The following ITGA8 variants were observed in gnomAD, a reference collection of about 807,000 sequenced individuals.
ITGA8 encodes integrin subunit alpha 8, also known as integrin alpha-8.
A neutral mutation model predicts 142.3 loss-of-function variants in ITGA8; 91 were observed. That is an observed-to-expected ratio of 0.64 (90% CI 0.54 to 0.76). ITGA8 has a LOEUF of 0.76. ITGA8 is among the 30% of genes least tolerant of loss of function. ITGA8 has a pLI of 0.00. For missense variants in ITGA8, 1,406 were observed against 1,327.7 expected (o/e 1.06, Z -0.92); for synonymous variants, 505 against 485.2 (o/e 1.04, Z -0.54).
At chr10:15,632,136 T>C (rs1473362) in intron 13 of ITGA8, among the ~76,000 whole-genome samples, 37,830 of 151,716 alleles carry the variant, frequency 0.25, 5,067 homozygotes, top group Admixed American at 0.32. Context: ...AAAGGCTTTA[T>C]CTGAGAACCT....
intron 27 of ITGA8, among the ~76,000 whole-genome samples, chr10:15,534,431 A>T (rs1376030980): frequency 1.3e-5 from 2 of 152,232 alleles, no homozygotes; most frequent in African/African-American, 4.8e-5. Context: ...TATAATGTCT[A>T]TATCTTCTAC....
rs534845463 is a variant in ITGA8 at position 15,558,222 on chromosome 10, G to T, written c.2638-20C>A. The T allele has an allele frequency of 1.2e-6, 2 of 1,613,528 alleles. No homozygotes were observed. Among genetic ancestry groups the T allele is most frequent in the Admixed American group, 3.3e-5 (2 of 59,934 alleles). The stretch of plus-strand genomic sequence containing the variant: ...AGCAGGCTGCAAAAAGAAAGTGGGA[G>T]ATACCACATTAAAAACACATGAACA... On this transcript the variant is annotated intron_variant, in intron 25 of 29. Transcript: ENST00000378076.
intron 26 of ITGA8, among the ~76,000 whole-genome samples, chr10:15,556,016 CTCTTTTTTT>C (rs201477751): frequency 0.13 from 12,548 of 93,982 alleles, 787 homozygotes; most frequent in Middle Eastern, 0.15. Flanking sequence ...GTCTCTCTCT[CTCTTTTTTT>C]TTTTTTTTTT....
At chr10:15,645,624 A>G (rs1443870026) in intron 12 of ITGA8, among the ~76,000 whole-genome samples, 2 of 152,194 alleles carry the variant, frequency 1.3e-5, no homozygotes, top group African/African-American at 4.8e-5. Flanking sequence ...TGTGTAAGAG[A>G]ACAGAAACAT....
chr10:15,683,394 A>C (rs923555127), intron 4 of ITGA8, among the ~76,000 whole-genome samples: 1 of 147,196 alleles, frequency 6.8e-6, no homozygotes, highest in African/African-American at 2.5e-5. Flanking sequence ...TGATTAAAAC[A>C]CAATGCCCCA....
intron 10 of ITGA8, among the ~76,000 whole-genome samples, chr10:15,658,720 T>A (rs1023904142): frequency 1.3e-5 from 2 of 152,202 alleles, no homozygotes; most frequent in African/African-American, 4.8e-5. Context: ...CTTTATTTTC[T>A]TTAAATCATG....
At chr10:15,551,801 A>T (rs1187369932) in intron 26 of ITGA8, among the ~76,000 whole-genome samples, 3 of 152,162 alleles carry the variant, frequency 2.0e-5, no homozygotes, top group Non-Finnish European at 4.4e-5. Flanking sequence ...ATCACTTTCT[A>T]TCCAGAGTTG....
At chr10:15,652,651 T>C (rs1564393154) in intron 11 of ITGA8, among the ~76,000 whole-genome samples, 1 of 152,210 alleles carries the variant, frequency 6.6e-6, no homozygotes. Context: ...ATAGCTACTT[T>C]ATTTTTACAA....
intron 6 of ITGA8, among the ~76,000 whole-genome samples, chr10:15,675,082 A>G (rs1455970181): frequency 6.6e-6 from 1 of 152,166 alleles, no homozygotes; most frequent in Non-Finnish European, 1.5e-5. Context: ...AGCCCAAATT[A>G]TAGAATCTTC....
intron 26 of ITGA8, among the ~76,000 whole-genome samples, chr10:15,555,523 C>G (rs971330656): frequency 1.3e-5 from 2 of 152,170 alleles, no homozygotes; most frequent in Non-Finnish European, 2.9e-5. Context: ...GGCACCTCAA[C>G]AAGTCTAGGA....
At chr10:15,655,581 T>G (rs1834169524) in intron 10 of ITGA8, among the ~76,000 whole-genome samples, 175 bp from the exon 11 acceptor site, 1 of 152,120 alleles carries the variant, frequency 6.6e-6, no homozygotes, top group African/African-American at 2.4e-5. Context: ...CCTGACCCAG[T>G]GAATAATTTT....
chr10:15,556,144 A>G (rs537308079), intron 26 of ITGA8, among the ~76,000 whole-genome samples: 33 of 145,386 alleles, frequency 2.3e-4, no homozygotes, highest in East Asian at 6.1e-4. Flanking sequence ...CTCCTGCCTC[A>G]GTCTCCTGAG....
chr10:15,629,525 G>A (rs1044669175), intron 13 of ITGA8, among the ~76,000 whole-genome samples: 1 of 151,814 alleles, frequency 6.6e-6, no homozygotes, highest in Non-Finnish European at 1.5e-5. Flanking sequence ...CAGATTCACT[G>A]AGCCAGACAA....
Position 15,665,599 on chromosome 10 carries a change from T to C in ITGA8, c.848-4677A>G, listed in dbSNP as rs183210067. On this transcript the variant is annotated intron_variant, in intron 8 of 29. Coordinates refer to ENST00000378076, the MANE Select transcript of ITGA8 (RefSeq NM_003638.3). ...GACATGAAGTCCTTGCCCATGCCTA[T>C]GTCCTGGATGGTATTGCCTAGGTTT... Among the ~76,000 whole-genome samples the C allele has an allele frequency of 1.4e-3, 207 of 152,354 alleles. 1 individual carries two copies. The highest frequency in any genetic ancestry group is 4.8e-3 in the African/African-American group (201 of 41,582).
At chr10:15,534,583 A>G (rs545795086) in intron 27 of ITGA8, among the ~76,000 whole-genome samples, 10 of 152,324 alleles carry the variant, frequency 6.6e-5, no homozygotes, top group Admixed American at 1.3e-4. Flanking sequence ...TTTGATGGCA[A>G]TTATGAAAGA....
At chr10:15,558,569 G>A (rs1160451004) in intron 25 of ITGA8, among the ~76,000 whole-genome samples, 4 of 152,192 alleles carry the variant, frequency 2.6e-5, no homozygotes, top group African/African-American at 7.2e-5. Flanking sequence ...AGTGGGGCCA[G>A]TTAAACTGAG....
intron 2 of ITGA8, among the ~76,000 whole-genome samples, chr10:15,714,004 A>G (rs1256785341): frequency 6.6e-6 from 1 of 152,088 alleles, no homozygotes; most frequent in Non-Finnish European, 1.5e-5. Flanking sequence ...TCAACTTCTT[A>G]TGTGGGCTCC....
intron 20 of ITGA8, among the ~76,000 whole-genome samples, chr10:15,600,924 T>G (rs1833093529): frequency 6.6e-6 from 1 of 152,150 alleles, no homozygotes; most frequent in Non-Finnish European, 1.5e-5. Flanking sequence ...CAGGGGATGC[T>G]GATGTCATTC....
chr10:15,634,119 T>G (rs1279692375), intron 13 of ITGA8, among the ~76,000 whole-genome samples: 1 of 152,186 alleles, frequency 6.6e-6, no homozygotes, highest in Non-Finnish European at 1.5e-5. Context: ...CTTATCTCCC[T>G]TAGGAAACTT....
Sources: gnomAD v4.1 joint callset for allele counts (sites outside exome capture counted in the v4.1 genomes callset) on GRCh38, gnomAD v4.1.1 for gene constraint, MANE v1.5 for transcripts, NCBI Gene and HGNC (gene_info 2026-07-23, HGNC 2026-07-21) for gene names.